OPCML: variants seen among roughly 807,000 people sequenced by gnomAD.
The protein encoded by OPCML is opioid-binding protein/cell adhesion molecule.
In OPCML, 13 loss-of-function variants were observed where a neutral mutation model predicts 37.8. The observed-to-expected ratio is 0.34, with a 90% CI of 0.22 to 0.55. The LOEUF (loss-of-function observed/expected upper bound fraction) is 0.55, where lower values mean the gene tolerates loss of function less well. OPCML is among the 20% of genes least tolerant of loss of function. OPCML has a pLI of 0.91. For synonymous variants in OPCML, 176 were observed against 168.8 expected, an observed-to-expected ratio of 1.04 and a Z score of -0.33; for missense variants, 341 against 435.6, an observed-to-expected ratio of 0.78 and a Z score of 1.93.
chr11:133,118,569 G>C (rs1350479232), intron 1 of OPCML, among the ~76,000 whole-genome samples: 2 of 151,944 alleles, frequency 1.3e-5, no homozygotes, highest in East Asian at 3.9e-4. Context: ...AGGTGGTGAA[G>C]AGTCCTCCTA....
chr11:132,563,314 A>G (rs555439985), intron 3 of OPCML, among the ~76,000 whole-genome samples: 7 of 152,168 alleles, frequency 4.6e-5, no homozygotes, highest in African/African-American at 1.7e-4. Flanking sequence ...TGATACTTGG[A>G]GTATAAAGAC....
At chr11:133,476,533 G>A (rs961073282) in intron 1 of OPCML, among the ~76,000 whole-genome samples, 3 of 152,018 alleles carry the variant, frequency 2.0e-5, no homozygotes, top group African/African-American at 7.3e-5. Flanking sequence ...TTTTCAGTAG[G>A]AAAGAAGTCA....
At chr11:132,637,174 T>A (rs1013365347) in intron 3 of OPCML, among the ~76,000 whole-genome samples, 1 of 152,174 alleles carries the variant, frequency 6.6e-6, no homozygotes, top group Non-Finnish European at 1.5e-5. Flanking sequence ...AAGCTGAATT[T>A]TTCTGGCGAC....
At chr11:133,453,497 C>A (rs763963481) in intron 1 of OPCML, among the ~76,000 whole-genome samples, 2 of 152,184 alleles carry the variant, frequency 1.3e-5, no homozygotes, top group Non-Finnish European at 2.9e-5. Context: ...TCTCCTCTGA[C>A]AAATGCCAAA....
At chr11:132,965,735 G>A (rs1310900434) in intron 1 of OPCML, among the ~76,000 whole-genome samples, 1 of 152,098 alleles carries the variant, frequency 6.6e-6, no homozygotes, top group Non-Finnish European at 1.5e-5. Context: ...GTTTCACTAT[G>A]TTGGCCAGGA....
intron 1 of OPCML, chr11:133,009,062 C>T (rs1036830748): frequency 1.0e-6 from 1 of 985,382 alleles, no homozygotes; most frequent in South Asian, 4.7e-5. Flanking sequence ...TTCCAGATTA[C>T]TTAAGTCTAC....
At chr11:133,088,517 T>C (rs767288355) in intron 1 of OPCML, among the ~76,000 whole-genome samples, 1 of 152,172 alleles carries the variant, frequency 6.6e-6, no homozygotes, top group Non-Finnish European at 1.5e-5. Flanking sequence ...CAAAGAGAAA[T>C]TTTGTCATCT....
intron 1 of OPCML, among the ~76,000 whole-genome samples, chr11:133,293,214 G>T (rs991452117): frequency 2.0e-5 from 3 of 151,402 alleles, no homozygotes; most frequent in Non-Finnish European, 4.4e-5. Flanking sequence ...GCAAAGGACA[G>T]TCACGGCACC....
At chr11:133,007,500 AG>A (rs2136865592) in intron 1 of OPCML, 1 of 985,458 alleles carries the variant, frequency 1.0e-6, no homozygotes, top group South Asian at 4.7e-5. Flanking sequence ...ACCTGTCCTT[AG>A]ACAGAATCTC....
At chr11:132,515,256 G>A (rs946643207) in intron 4 of OPCML, among the ~76,000 whole-genome samples, 1 of 152,136 alleles carries the variant, frequency 6.6e-6, no homozygotes, top group African/African-American at 2.4e-5. Flanking sequence ...TCTGGAGTGG[G>A]AAAATTTGAT....
intron 3 of OPCML, among the ~76,000 whole-genome samples, chr11:132,606,695 C>A (rs1201287003): frequency 6.6e-6 from 1 of 151,848 alleles, no homozygotes; most frequent in African/African-American, 2.4e-5. Context: ...CGTGACTGCA[C>A]CCAGGAGCCA....
intron 2 of OPCML, among the ~76,000 whole-genome samples, chr11:132,892,571 A>G (rs1943692579): frequency 6.6e-6 from 1 of 152,156 alleles, no homozygotes; most frequent in Admixed American, 6.5e-5. Context: ...GTTTGAGGCT[A>G]GCCTGGCCAA....
intron 1 of OPCML, among the ~76,000 whole-genome samples, chr11:133,220,604 CT>C (rs1939775185): frequency 6.6e-6 from 1 of 152,190 alleles, no homozygotes; most frequent in Admixed American, 6.5e-5. Flanking sequence ...CACTTTCAGC[CT>C]GCTTGTGGTA....
intron 2 of OPCML, among the ~76,000 whole-genome samples, chr11:132,685,997 G>A (rs1218923895): frequency 6.6e-6 from 1 of 152,102 alleles, no homozygotes; most frequent in Non-Finnish European, 1.5e-5. Flanking sequence ...TTGAGTTGTG[G>A]GGCATGAGGC....
intron 3 of OPCML, among the ~76,000 whole-genome samples, chr11:132,580,853 T>G (rs1447535627): frequency 6.6e-6 from 1 of 152,218 alleles, no homozygotes; most frequent in African/African-American, 2.4e-5. Context: ...GAAGAATTAA[T>G]TCCATAGGGG....
chr11:132,985,234 G>A (rs1185069719), intron 1 of OPCML, among the ~76,000 whole-genome samples: 1 of 152,142 alleles, frequency 6.6e-6, no homozygotes. Flanking sequence ...GAGTTAGTAA[G>A]GCACTCTACT....
chr11:132,935,809 T>C (rs1301878248), intron 2 of OPCML, among the ~76,000 whole-genome samples: 3 of 152,166 alleles, frequency 2.0e-5, no homozygotes, highest in Non-Finnish European at 1.5e-5. Flanking sequence ...CAAAATTACT[T>C]CTCCTCCTTC....
At chr11:132,483,576 C>T (rs1426478730) in intron 4 of OPCML, among the ~76,000 whole-genome samples, 1 of 152,104 alleles carries the variant, frequency 6.6e-6, no homozygotes, top group African/African-American at 2.4e-5. Context: ...CTTTAAAGTT[C>T]ATATGGAACC....
chr11:133,031,671 TA>T (rs1198897863), intron 1 of OPCML, among the ~76,000 whole-genome samples: 1 of 151,920 alleles, frequency 6.6e-6, no homozygotes, highest in African/African-American at 2.4e-5. Flanking sequence ...AGCATGGTAA[TA>T]AAAAAAGTGG....
Sources: allele counts gnomAD v4.1 joint callset (sites outside exome capture counted in the v4.1 genomes callset), GRCh38; gene constraint gnomAD v4.1.1; transcripts MANE v1.5; gene names NCBI Gene and HGNC (gene_info 2026-07-23, HGNC 2026-07-21).